The following FAAH2 variants were observed in gnomAD, a reference collection of about 807,000 sequenced individuals.
FAAH2 encodes fatty acid amide hydrolase 2.
FAAH2 carries 60 observed loss-of-function variants against 36.9 expected under a neutral mutation model. The observed-to-expected ratio is 1.63, with a 90% CI of 1.32 to 2.02. The LOEUF is 2.02. Ranked by LOEUF, FAAH2 falls within the 30% of genes most tolerant of loss-of-function variation. The pLI is 0.00. For synonymous variants in FAAH2, 214 were observed against 143.8 expected (o/e 1.49, Z -3.49); for missense variants, 689 against 397.5 (o/e 1.73, Z -6.23).
chrX:57,150,312 C>T, the FAAH2 span, among the ~76,000 whole-genome samples: 1 of 111,487 alleles, frequency 9.0e-6, no homozygotes. Flanking sequence ...TCCTGGATAT[C>T]CTTGTTAACT....
chrX:57,266,539 C>G, the FAAH2 span, among the ~76,000 whole-genome samples: 2 of 112,498 alleles, frequency 1.8e-5, no homozygotes, highest in African/African-American at 6.5e-5. Flanking sequence ...CAGTAGGCCT[C>G]TCCTTGTTAC....
chrX:57,321,553 G>C (rs758188709), intron 3 of FAAH2, among the ~76,000 whole-genome samples: 2 of 109,060 alleles, frequency 1.8e-5, no homozygotes, highest in Non-Finnish European at 3.8e-5. Context: ...TAAAAAAATA[G>C]GTTTCCAATT....
At chrX:57,308,728 G>A (rs139459436) in intron 2 of FAAH2, among the ~76,000 whole-genome samples, 2,118 of 110,958 alleles carry the variant, frequency 0.019, 26 homozygotes, top group Non-Finnish European at 0.03. Flanking sequence ...TCCATTTCTA[G>A]CATATTGTCA....
the FAAH2 span, among the ~76,000 whole-genome samples, chrX:57,150,572 A>G: frequency 9.8e-5 from 11 of 111,909 alleles, no homozygotes; most frequent in Admixed American, 3.8e-4. Context: ...ATCAGAGACT[A>G]GGATTGCAAC....
At chrX:57,392,347 G>A (rs1211682599) in intron 7 of FAAH2, among the ~76,000 whole-genome samples, 2 of 111,412 alleles carry the variant, frequency 1.8e-5, no homozygotes, top group South Asian at 3.8e-4. Flanking sequence ...GGAGATCCTT[G>A]TCTTTTTTCA....
chrX:57,429,132 G>A (rs2147103907), intron 7 of FAAH2, among the ~76,000 whole-genome samples: 1 of 110,059 alleles, frequency 9.1e-6, no homozygotes, highest in East Asian at 2.9e-4. Context: ...TCAGGAGATC[G>A]AGACCACCGT....
chrX:57,485,626 T>G (rs1309887068), intron 10 of FAAH2, among the ~76,000 whole-genome samples: 2 of 112,135 alleles, frequency 1.8e-5, no homozygotes, highest in Non-Finnish European at 3.8e-5. Flanking sequence ...TTCTTCATTA[T>G]TTTTTCTTAT....
Position 57,432,969 on chromosome X carries a change from TA to T in FAAH2, c.1116+945del, listed in dbSNP as rs1180507253. Among the ~76,000 whole-genome samples the T allele has an allele frequency of 3.1e-3, 305 of 99,068 alleles. 3 individuals carry two copies. The highest frequency in any genetic ancestry group is 0.015 in the Middle Eastern group (3 of 199). The allele number at this position is 99,068 out of a possible 115,157, so 86.0% of individuals were successfully genotyped here. On this transcript the variant is annotated intron_variant, in intron 8 of 10. Transcript: ENST00000374900. Reference sequence around the variant, plus strand: ...AGAACTCACACGACCCTCTCTACCTTAAAAAAAAAAAAAGTCACTTTTAAAA... The same window carrying T: ...AGAACTCACACGACCCTCTCTACCTTAAAAAAAAAAAAGTCACTTTTAAAA...
chrX:57,276,344 A>G, the FAAH2 span, among the ~76,000 whole-genome samples: 1 of 112,258 alleles, frequency 8.9e-6, no homozygotes, highest in East Asian at 2.8e-4. Context: ...AATGAAATGA[A>G]GGCAGAAATA....
the FAAH2 span, among the ~76,000 whole-genome samples, chrX:57,152,019 C>G: frequency 8.9e-6 from 1 of 111,954 alleles, no homozygotes; most frequent in South Asian, 3.7e-4. Flanking sequence ...CAGGTCCACT[C>G]CAGACCCTGT....
chrX:57,395,370 C>T lies in FAAH2; in HGVS notation c.996+14341C>T, dbSNP rs150605684. The T allele has an allele frequency of 3.3e-3, 2,320 of 701,209 alleles. 23 individuals are homozygous for T. The African/African-American group carries it at 0.043, about 13-fold the overall frequency. 57.8% of individuals were successfully genotyped at this position (701,209 alleles called of 1,213,427 possible). A position where few individuals can be genotyped will look rare whatever the true frequency, so the allele number is the denominator to read the frequency against. Reference sequence around the variant, plus strand: ...TTCTTCAGTCTCGCCCTTATTTGTGCGGAGATCTCCTTCCTGTTCAGGATT... The same window carrying T: ...TTCTTCAGTCTCGCCCTTATTTGTGTGGAGATCTCCTTCCTGTTCAGGATT... On this transcript the variant is annotated intron_variant, in intron 7 of 10. Coordinates refer to ENST00000374900, the MANE Select transcript of FAAH2 (RefSeq NM_174912.4).
chrX:57,321,997 G>C (rs185854045), intron 3 of FAAH2, among the ~76,000 whole-genome samples: 57 of 108,312 alleles, frequency 5.3e-4, no homozygotes, highest in Non-Finnish European at 9.7e-4. Flanking sequence ...TTTCTCTTTT[G>C]TTTATGAAAC....
At position 57,448,396 on chromosome X, in the gene FAAH2, C is replaced by T. The variant is rs746690425; in HGVS notation, c.1229-128C>T. The T allele has an allele frequency of 1.6e-4, 101 of 651,400 alleles. No individual in the cohort carries two copies. In the African/African-American group the frequency reaches 2.2e-3, roughly 14 times the overall value. 53.7% of individuals were successfully genotyped at this position (651,400 alleles called of 1,213,427 possible). On this transcript the variant is annotated intron_variant, in intron 9 of 10. Coordinates refer to ENST00000374900, the MANE Select transcript of FAAH2 (RefSeq NM_174912.4). ...GTTAAAAGTAAGATTATAAAGTTTC[C>T]TTTTCCATCACTTACTTTCTCAGTG...
intron 7 of FAAH2, among the ~76,000 whole-genome samples, 155 bp from the exon 8 acceptor site, chrX:57,431,763 G>GTTTTTTTTTTTTTTTTTT (rs200270868): frequency 7.3e-5 from 1 of 13,655 alleles, no homozygotes; most frequent in African/African-American, 8.4e-5. Flanking sequence ...TTTTGTTTTT[G>GTTTTTTTTTTTTTTTTTT]TTTTTTTGTT....
chrX:57,210,204 G>A, the FAAH2 span, among the ~76,000 whole-genome samples: 1 of 111,206 alleles, frequency 9.0e-6, no homozygotes, highest in South Asian at 3.9e-4. Flanking sequence ...GTCCTTATGG[G>A]GTGGAGGGAA....
At chrX:57,326,383 C>T (rs2053217347) in intron 3 of FAAH2, among the ~76,000 whole-genome samples, 1 of 114,445 alleles carries the variant, frequency 8.7e-6, no homozygotes, top group South Asian at 3.3e-4. Flanking sequence ...AGTTCAATTC[C>T]TGGATATCCT....
At chrX:57,385,567 A>G (rs2054997774) in intron 7 of FAAH2, among the ~76,000 whole-genome samples, 1 of 111,574 alleles carries the variant, frequency 9.0e-6, no homozygotes, top group Non-Finnish European at 1.9e-5. Context: ...AGCCTTTGTA[A>G]AAATGGCTGT....
At chrX:57,249,774 C>T in the FAAH2 span, among the ~76,000 whole-genome samples, 2 of 111,855 alleles carry the variant, frequency 1.8e-5, no homozygotes, top group Non-Finnish European at 3.8e-5. Flanking sequence ...TTTGAATATG[C>T]AAATGTCTTT....
At chrX:57,377,917 G>A (rs1196014422) in intron 5 of FAAH2, among the ~76,000 whole-genome samples, 9 of 111,778 alleles carry the variant, frequency 8.1e-5, no homozygotes, top group African/African-American at 2.9e-4. Flanking sequence ...TTGTGAATGA[G>A]CGCTCACTCA....
Sources: gnomAD v4.1 joint callset for allele counts (sites outside exome capture counted in the v4.1 genomes callset) on GRCh38, gnomAD v4.1.1 for gene constraint, MANE v1.5 for transcripts, NCBI Gene and HGNC (gene_info 2026-07-23, HGNC 2026-07-21) for gene names.